Variants in DSC3 observed in about 807,000 individuals in gnomAD.
DSC3 encodes desmocollin-3.
Under a neutral mutation model 89.5 loss-of-function variants are expected in DSC3, and 97 were observed. That is an observed-to-expected ratio of 1.08 (90% CI 0.92 to 1.28). The LOEUF is 1.28. Among genes scored for constraint, DSC3 ranks in the 50% most tolerant of loss-of-function variants. The pLI, the probability that DSC3 is intolerant of heterozygous loss-of-function variation, is 0.00. For synonymous variants in DSC3, 436 were observed against 384.1 expected, an observed-to-expected ratio of 1.14 and a Z score of -1.58; for missense variants, 1,199 against 1,085.3, an observed-to-expected ratio of 1.10 and a Z score of -1.47.
intron 4 of DSC3, among the ~76,000 whole-genome samples, chr18:31,026,612 C>T (rs1985607341): frequency 6.6e-6 from 1 of 151,998 alleles, no homozygotes; most frequent in South Asian, 2.1e-4. Context: ...AAGGTACAGC[C>T]ATCAGAATTT....
intron 4 of DSC3, among the ~76,000 whole-genome samples, chr18:31,026,550 A>C (rs1374720671): frequency 6.6e-6 from 1 of 152,122 alleles, no homozygotes; most frequent in Non-Finnish European, 1.5e-5. Flanking sequence ...AGTTAGGCTA[A>C]CATGATAGCC....
At chr18:31,035,128 TATA>T (rs1001442877) in intron 1 of DSC3, among the ~76,000 whole-genome samples, 2 of 152,138 alleles carry the variant, frequency 1.3e-5, no homozygotes, top group Non-Finnish European at 2.9e-5. Flanking sequence ...TTATTTCTGA[TATA>T]ATCAAATATG....
intron 14 of DSC3, among the ~76,000 whole-genome samples, chr18:30,999,021 G>A (rs985563369): frequency 6.6e-6 from 1 of 152,112 alleles, no homozygotes; most frequent in South Asian, 2.1e-4. Flanking sequence ...AAAGAGTCAA[G>A]GAAATGCTTT....
chr18:31,000,579 C>T (rs770901759), intron 14 of DSC3, among the ~76,000 whole-genome samples: 78 of 152,246 alleles, frequency 5.1e-4, no homozygotes, highest in Admixed American at 3.1e-3. Flanking sequence ...TCTCTAACAC[C>T]GAACTTGTTT....
At chr18:31,027,413 A>G (rs1224569149) in intron 4 of DSC3, among the ~76,000 whole-genome samples, 1 of 151,702 alleles carries the variant, frequency 6.6e-6, no homozygotes, top group East Asian at 1.9e-4. Flanking sequence ...CAGGTGTCTC[A>G]TTTTTGCTAC....
At chr18:31,025,953 T>TA (rs745646042) in intron 4 of DSC3, 38 bp from the exon 5 acceptor site, 1 of 1,561,846 alleles carries the variant, frequency 6.4e-7, no homozygotes, top group Non-Finnish European at 8.8e-7. Context: ...AAATTAAAAC[T>TA]AAATTCAGTT....
rs775716023 is a variant in DSC3, at chr18:31,032,232, A to G, written c.114T>C (p.Asn38=). Residue 38 remains asparagine (N), a synonymous_variant, in exon 2 of 16, where the codon AAT becomes AAC. Coordinates refer to ENST00000360428, the MANE Select transcript of DSC3 (RefSeq NM_001941.5). ...TGTCTGCCTCTAGTTTAGAAGGTAC[A>G]TTAAGTATCACCTTTTTGCAGGCTT... ...AGEACKKVIL[N]VPSKLEADKI... 3 of 1,613,888 alleles carry G rather than the reference A, an allele frequency of 1.9e-6. No homozygotes were observed. Among genetic ancestry groups the G allele is most frequent in the Admixed American group, 1.7e-5 (1 of 60,026 alleles).
In DSC3 at chr18:31,004,344, A is replaced by G. The variant is rs1307938068; in HGVS notation, c.1911T>C (p.Tyr637=). ...ATTCTTGAAATCCAGCATTTTTCTG[A>G]TATGAAAGACGGGCAGCTGTATCTG... is the stretch of plus-strand genomic sequence containing the variant. ...KVNDTAARLS[Y]QKNAGFQEYT... Residue 637 remains tyrosine, a synonymous_variant, in exon 13 of 16, where the codon TAT becomes TAC. Coordinates refer to ENST00000360428, the MANE Select transcript of DSC3 (RefSeq NM_001941.5). 6.2e-7 allele frequency: 1 copy of G among 1,613,878 alleles called. No individual in the cohort carries two copies. The highest frequency in any genetic ancestry group is 8.5e-7 in the Non-Finnish European group (1 of 1,179,870).
intron 1 of DSC3, among the ~76,000 whole-genome samples, chr18:31,036,082 A>T (rs1013100845): frequency 6.6e-6 from 1 of 152,318 alleles, no homozygotes; most frequent in East Asian, 1.9e-4. Flanking sequence ...CTATATGAAC[A>T]GCTGTGCCTA....
intron 1 of DSC3, among the ~76,000 whole-genome samples, chr18:31,039,658 C>T (rs893699450): frequency 1.1e-4 from 17 of 152,034 alleles, no homozygotes; most frequent in Admixed American, 9.2e-4. Context: ...ATACTTTCAG[C>T]GGAAAGTATG....
Position 30,991,425 on chromosome 18 carries a change from C to T in DSC3, c.*2750G>A, listed in dbSNP as rs1984237809. The T allele has an allele frequency of 6.6e-6, 1 of 152,224 alleles. No homozygotes were observed. Among genetic ancestry groups the T allele is most frequent in the Non-Finnish European group, 1.5e-5 (1 of 67,974 alleles). 9.4% of individuals were successfully genotyped at this position (152,224 alleles called of 1,614,324 possible). On this transcript the variant is annotated 3_prime_UTR_variant, in exon 16 of 16. Coordinates refer to ENST00000360428, the MANE Select transcript of DSC3 (RefSeq NM_001941.5). ...ATATGTGAAAATATAGAAATGAATC[C>T]CTAAAATTAAATTTTCATTTGAGAG...
chr18:31,021,452 G>A (rs969479968), intron 7 of DSC3, among the ~76,000 whole-genome samples: 3 of 152,058 alleles, frequency 2.0e-5, no homozygotes, highest in Admixed American at 1.3e-4. Context: ...TAAAACGTTT[G>A]TACTACTTCT....
intron 1 of DSC3, among the ~76,000 whole-genome samples, chr18:31,034,830 T>G (rs1324598098): frequency 6.6e-6 from 1 of 152,176 alleles, no homozygotes; most frequent in Non-Finnish European, 1.5e-5. Flanking sequence ...TAAATGGGTA[T>G]GAGGCTTATT....
At chr18:31,001,256 T>C (rs2144680476) in intron 14 of DSC3, among the ~76,000 whole-genome samples, 1 of 151,800 alleles carries the variant, frequency 6.6e-6, no homozygotes, top group East Asian at 1.9e-4. Flanking sequence ...CTTGAGAACT[T>C]TTAGCAAGCT....
chr18:30,997,986 G>T (rs1345219056), intron 14 of DSC3, among the ~76,000 whole-genome samples: 1 of 152,116 alleles, frequency 6.6e-6, no homozygotes, highest in Non-Finnish European at 1.5e-5. Context: ...GTTATAAAAG[G>T]CCATAAGATA....
At chr18:30,999,281 G>A (rs1348138870) in intron 14 of DSC3, among the ~76,000 whole-genome samples, 4 of 151,974 alleles carry the variant, frequency 2.6e-5, no homozygotes, top group Non-Finnish European at 5.9e-5. Flanking sequence ...TTCAAATACA[G>A]ATGATTTATT....
chr18:31,017,827 T>C (rs1052069633), intron 9 of DSC3, among the ~76,000 whole-genome samples: 2 of 152,096 alleles, frequency 1.3e-5, no homozygotes, highest in African/African-American at 4.8e-5. Context: ...AAATGTGGGA[T>C]AAGTGGCCAA....
Position 31,025,886 on chromosome 18 carries a change from A to T in DSC3, c.504T>A (p.Thr168=). 3.1e-6 allele frequency: 5 copies of T among 1,613,102 alleles called. No homozygotes were observed. The highest frequency in any genetic ancestry group is 3.4e-6 in the Non-Finnish European group (4 of 1,179,306). Residue 168 remains threonine, a synonymous_variant, in exon 5 of 16, where the codon ACT becomes ACA. Transcript: ENST00000360428. ...QVESDAAQNY[T]VFYSISGRGV... ...CACGTCCACTTATTGAGTAGAAGAC[A>T]GTATAGTTCTGTGCTGCATCAGATT...
At chr18:31,024,010 C>T (rs1415213640) in intron 6 of DSC3, among the ~76,000 whole-genome samples, 1 of 152,060 alleles carries the variant, frequency 6.6e-6, no homozygotes, top group Non-Finnish European at 1.5e-5. Flanking sequence ...TTTTATTGTT[C>T]ATTCCACCCT....
Sources: gnomAD v4.1 joint callset for allele counts (sites outside exome capture counted in the v4.1 genomes callset) on GRCh38, gnomAD v4.1.1 for gene constraint, MANE v1.5 for transcripts, NCBI Gene and HGNC (gene_info 2026-07-23, HGNC 2026-07-21) for gene names.